Variants in NREP observed in about 807,000 individuals in gnomAD.
NREP encodes the protein neuronal regeneration-related protein.
A neutral mutation model predicts 8.6 loss-of-function variants in NREP; 5 were observed. The observed-to-expected ratio is 0.58, with a 90% confidence interval of 0.30 to 1.22. The LOEUF is 1.22. Ranked by LOEUF, NREP falls within the 50% of genes most tolerant of loss-of-function variation. NREP has a pLI of 0.07. For synonymous variants in NREP, 27 were observed against 28.0 expected (o/e 0.96, Z 0.11); for missense variants, 86 against 82.5 (o/e 1.04, Z -0.17).
chr5:111,964,965 T>A (rs1247177495), intron 2 of NREP, among the ~76,000 whole-genome samples: 3 of 146,502 alleles, frequency 2.0e-5, no homozygotes, highest in Non-Finnish European at 3.0e-5. Flanking sequence ...TAATAAGAAG[T>A]CCAGACGTAA....
intron 2 of NREP, among the ~76,000 whole-genome samples, chr5:111,895,302 G>A (rs184737283): frequency 6.6e-4 from 100 of 152,290 alleles, no homozygotes; most frequent in Non-Finnish European, 1.1e-3. Flanking sequence ...GGAAGGGACA[G>A]ACAAAATCTC....
At chr5:111,765,147 G>C (rs925687592) in intron 2 of NREP, among the ~76,000 whole-genome samples, 1 of 152,112 alleles carries the variant, frequency 6.6e-6, no homozygotes, top group Admixed American at 6.6e-5. Flanking sequence ...GGAGAAAACT[G>C]TTCCACCTCA....
chr5:111,762,462 A>G (rs984886373), upstream of NREP, among the ~76,000 whole-genome samples: 2 of 143,158 alleles, frequency 1.4e-5, no homozygotes, highest in African/African-American at 5.2e-5. Flanking sequence ...CCCACACACC[A>G]CCCCCAAAAT....
intron 2 of NREP, among the ~76,000 whole-genome samples, chr5:111,947,709 T>A (rs1260937164): frequency 3.3e-5 from 5 of 152,058 alleles, no homozygotes; most frequent in Non-Finnish European, 7.4e-5. Context: ...ATACTCTTCC[T>A]CCTTCTAAGA....
chr5:111,969,594 A>C (rs928434277), intron 2 of NREP: 22 of 152,210 alleles, frequency 1.4e-4, no homozygotes, highest in African/African-American at 4.8e-4. Flanking sequence ...TATTTTTAAA[A>C]GGTGTCATGT....
intron 2 of NREP, among the ~76,000 whole-genome samples, chr5:111,887,016 C>T (rs939144732): frequency 4.0e-5 from 6 of 151,494 alleles, no homozygotes; most frequent in African/African-American, 1.5e-4. Flanking sequence ...AAAAACATCC[C>T]AGGCTCAAGT....
chr5:111,736,548 G>A (rs1017198403), intron 2 of NREP, among the ~76,000 whole-genome samples: 25 of 152,258 alleles, frequency 1.6e-4, no homozygotes, highest in Non-Finnish European at 2.5e-4. Flanking sequence ...TTTGGAAGCC[G>A]TAATTGAGGT....
intron 2 of NREP, among the ~76,000 whole-genome samples, chr5:111,830,067 C>T (rs1257651912): frequency 6.6e-6 from 1 of 152,174 alleles, no homozygotes; most frequent in East Asian, 1.9e-4. Flanking sequence ...GCCCATGGCC[C>T]ACAGGCTGCA....
intron 2 of NREP, among the ~76,000 whole-genome samples, chr5:111,842,508 T>C (rs1462738663): frequency 6.6e-6 from 1 of 152,220 alleles, no homozygotes; most frequent in Admixed American, 6.5e-5. Flanking sequence ...CGACATTTTA[T>C]GTTATTGCTG....
intron 2 of NREP, among the ~76,000 whole-genome samples, chr5:111,869,324 T>C (rs1753736095): frequency 6.6e-6 from 1 of 152,212 alleles, no homozygotes; most frequent in Non-Finnish European, 1.5e-5. Context: ...TACGTTCCAT[T>C]TGTTGAAGTT....
chr5:111,960,526 A>G (rs1756450222), intron 2 of NREP, among the ~76,000 whole-genome samples: 1 of 152,222 alleles, frequency 6.6e-6, no homozygotes, highest in Non-Finnish European at 1.5e-5. Context: ...GTGAAAAACA[A>G]TCCAGGGGAT....
chr5:111,770,936 G>A (rs1213136015), intron 2 of NREP, among the ~76,000 whole-genome samples: 2 of 152,072 alleles, frequency 1.3e-5, no homozygotes, highest in African/African-American at 4.8e-5. Context: ...ATTTGAATGA[G>A]TTCTTTCAAA....
intron 2 of NREP, chr5:111,940,064 G>T (rs1755789228): frequency 6.6e-6 from 1 of 151,996 alleles, no homozygotes; most frequent in African/African-American, 2.4e-5. Flanking sequence ...AGAATCAAGT[G>T]TACATCCCAA....
chr5:111,848,717 G>C (rs970201943), intron 2 of NREP, among the ~76,000 whole-genome samples: 1 of 151,782 alleles, frequency 6.6e-6, no homozygotes, highest in African/African-American at 2.4e-5. Context: ...GTAAGACATG[G>C]AACCATGGCA....
intron 2 of NREP, among the ~76,000 whole-genome samples, chr5:111,768,601 G>A (rs1252937686): frequency 6.6e-6 from 1 of 152,156 alleles, no homozygotes; most frequent in East Asian, 1.9e-4. Flanking sequence ...CCACTTCTAA[G>A]TGAGAAGGTG....
At chr5:111,917,496 A>G (rs1264296974) in intron 2 of NREP, among the ~76,000 whole-genome samples, 5 of 152,128 alleles carry the variant, frequency 3.3e-5, no homozygotes, top group Non-Finnish European at 5.9e-5. Flanking sequence ...CAGCACATCA[A>G]AAAGCTTATC....
chr5:111,970,378 G>A (rs563685001), intron 2 of NREP, among the ~76,000 whole-genome samples: 2 of 152,118 alleles, frequency 1.3e-5, no homozygotes, highest in Non-Finnish European at 2.9e-5. Flanking sequence ...TTTGGTCAAC[G>A]TTCCTACAGG....
chr5:111,767,928 G>T (rs1751124773), intron 2 of NREP, among the ~76,000 whole-genome samples: 2 of 152,044 alleles, frequency 1.3e-5, no homozygotes, highest in African/African-American at 4.8e-5. Flanking sequence ...GCCTCCTAAA[G>T]TGCTGGGATT....
At chr5:111,848,414 T>C (rs1017316857) in intron 2 of NREP, among the ~76,000 whole-genome samples, 2 of 149,526 alleles carry the variant, frequency 1.3e-5, no homozygotes, top group Non-Finnish European at 2.9e-5. Context: ...TTTGACACTT[T>C]CATTTGCCTA....
Sources: allele counts gnomAD v4.1 joint callset (sites outside exome capture counted in the v4.1 genomes callset), GRCh38; gene constraint gnomAD v4.1.1; transcripts MANE v1.5; gene names NCBI Gene and HGNC (gene_info 2026-07-23, HGNC 2026-07-21).